Variants in TRPM8 observed in about 807,000 individuals in gnomAD.
The protein encoded by TRPM8 is transient receptor potential cation channel subfamily M member 8.
TRPM8 carries 110 observed loss-of-function variants against 133.7 expected under a neutral mutation model. The ratio of observed to expected loss-of-function variants is 0.82; its 90% confidence interval spans 0.70 to 0.96. TRPM8 has a LOEUF of 0.96. Among genes scored for constraint, TRPM8 ranks in the 40% least tolerant of loss-of-function variants. The pLI is 0.00. For missense variants in TRPM8, 1,291 were observed against 1,379.5 expected, an observed-to-expected ratio of 0.94 and a Z score of 1.02; for synonymous variants, 535 against 532.3, an observed-to-expected ratio of 1.01 and a Z score of -0.07.
At chr2:233,994,207 G>A (rs757934893) in intron 21 of TRPM8, among the ~76,000 whole-genome samples, 4 of 152,168 alleles carry the variant, frequency 2.6e-5, no homozygotes, top group African/African-American at 9.7e-5. Flanking sequence ...CACGTGTCTC[G>A]TTGCAGCCGC....
At chr2:233,947,716 C>A in intron 8 of TRPM8, 10 of 724,980 alleles carry the variant, frequency 1.4e-5, no homozygotes, top group Non-Finnish European at 2.0e-5. Flanking sequence ...GGACTCATTA[C>A]TGAGTTCATC....
chr2:233,985,580 G>A, intron 20 of TRPM8, 108 bp from the exon 21 acceptor site: 2 of 1,081,508 alleles, frequency 1.8e-6, no homozygotes, highest in Middle Eastern at 2.4e-4. Flanking sequence ...TTAGACGAAG[G>A]CCTAAGACAT....
intron 6 of TRPM8, among the ~76,000 whole-genome samples, chr2:233,944,059 C>T (rs148238756): frequency 6.6e-6 from 1 of 151,916 alleles, no homozygotes; most frequent in African/African-American, 2.4e-5. Context: ...GTTGGAGTAA[C>T]CATTCCTTTT....
chr2:233,948,139 A>C (rs1404622149), intron 8 of TRPM8, among the ~76,000 whole-genome samples: 1 of 152,226 alleles, frequency 6.6e-6, no homozygotes, highest in Non-Finnish European at 1.5e-5. Flanking sequence ...CCTGGAGCTA[A>C]AAGTAAGTGC....
At chr2:234,013,892 TG>T (rs1692897973) in intron 24 of TRPM8, 1 of 152,212 alleles carries the variant, frequency 6.6e-6, no homozygotes, top group Non-Finnish European at 1.5e-5. Flanking sequence ...AGGTTACTAC[TG>T]GAATTAAGCT....
At chr2:233,981,538 C>T (rs1476474485) in intron 18 of TRPM8, among the ~76,000 whole-genome samples, 3 of 151,972 alleles carry the variant, frequency 2.0e-5, no homozygotes, top group South Asian at 2.1e-4. Context: ...CAGGAACCTC[C>T]GAGAGCTCAG....
chr2:234,000,065 G>T (rs1692512128), intron 22 of TRPM8, among the ~76,000 whole-genome samples: 1 of 151,210 alleles, frequency 6.6e-6, no homozygotes, highest in Non-Finnish European at 1.5e-5. Context: ...TTTCTGAGCA[G>T]CATCTGTGAT....
chr2:233,996,168 G>T (rs1229663812), intron 21 of TRPM8, among the ~76,000 whole-genome samples, 158 bp from the exon 22 acceptor site: 3 of 150,578 alleles, frequency 2.0e-5, no homozygotes, highest in African/African-American at 7.3e-5. Flanking sequence ...TTCACTTCCT[G>T]CTGAGTTATT....
chr2:233,919,967 G>A (rs1691375461), intron 1 of TRPM8, among the ~76,000 whole-genome samples: 1 of 152,168 alleles, frequency 6.6e-6, no homozygotes, highest in Non-Finnish European at 1.5e-5. Flanking sequence ...TAAGGACAAG[G>A]GGGTCCTTGG....
intron 17 of TRPM8, among the ~76,000 whole-genome samples, chr2:233,977,601 G>A (rs1205702029): frequency 6.6e-6 from 1 of 152,178 alleles, no homozygotes; most frequent in Non-Finnish European, 1.5e-5. Flanking sequence ...AGAGCAAATG[G>A]TTGTTGGTGA....
chr2:233,987,028 A>G (rs1215261557), intron 21 of TRPM8, among the ~76,000 whole-genome samples: 2 of 152,202 alleles, frequency 1.3e-5, no homozygotes, highest in Admixed American at 6.5e-5. Context: ...CATTCTTAGG[A>G]AAGTACTTCA....
rs189874339 is a variant in TRPM8, at chr2:233,931,109, G to A, written c.191+368G>A. The stretch of plus-strand genomic sequence containing the variant: ...ATATGTCCATCTTACTGGCTCCTCC[G>A]TCAGGCTTTTCTTCCCTGCTGTTGA... On this transcript the variant is annotated intron_variant, in intron 3 of 25. Coordinates refer to ENST00000324695, the MANE Select transcript of TRPM8 (RefSeq NM_024080.5). 1.1e-4 allele frequency among the ~76,000 whole-genome samples: 17 copies of A among 152,172 alleles called. No homozygotes were observed. In the East Asian group the frequency reaches 2.1e-3, roughly 19 times the overall value.
At position 233,959,273 on chromosome 2, in the gene TRPM8, G is replaced by A. The variant is rs182750969; in HGVS notation, c.1363-1503G>A. On this transcript the variant is annotated intron_variant, in intron 11 of 25. Coordinates refer to ENST00000324695, the MANE Select transcript of TRPM8 (RefSeq NM_024080.5). ...ACTCCTGACCTCAGGTGATCCACCC[G>A]CTTCAGCCTCCCAAAGTGCTGGGAT... Among the ~76,000 whole-genome samples the A allele has an allele frequency of 3.0e-3, 446 of 150,602 alleles. 1 individual carries two copies. The highest frequency in any genetic ancestry group is 0.01 in the African/African-American group (416 of 40,722).
chr2:233,972,537 G>A (rs186354138), intron 17 of TRPM8, among the ~76,000 whole-genome samples: 1 of 152,354 alleles, frequency 6.6e-6, no homozygotes, highest in East Asian at 1.9e-4. Context: ...TCGTGGAGGA[G>A]GCTCGGGCAG....
intron 21 of TRPM8, among the ~76,000 whole-genome samples, chr2:233,992,539 T>A (rs944467486): frequency 3.3e-5 from 5 of 152,200 alleles, no homozygotes; most frequent in African/African-American, 1.2e-4. Context: ...CCACTCTCAG[T>A]GAGTTTCTGA....
chr2:233,999,074 A>T (rs11684966), intron 22 of TRPM8, among the ~76,000 whole-genome samples: 508 of 152,292 alleles, frequency 3.3e-3, no homozygotes, highest in South Asian at 8.9e-3. Flanking sequence ...ATATATAATT[A>T]TGTAACAAGT....
intron 17 of TRPM8, among the ~76,000 whole-genome samples, chr2:233,975,713 T>G (rs910423465): frequency 6.6e-6 from 1 of 152,206 alleles, no homozygotes; most frequent in Admixed American, 6.5e-5. Context: ...AAATCCCGTC[T>G]CTACTAAAAA....
rs28901656 is a variant in TRPM8 at position 233,954,255 on chromosome 2, A to G, written c.1243+236A>G. Among the ~76,000 whole-genome samples the G allele has an allele frequency of 8.4e-3, 1,281 of 152,346 alleles. 23 individuals carry two copies. Among genetic ancestry groups the G allele is most frequent in the African/African-American group, 0.029 (1,190 of 41,574 alleles). Reference sequence around the variant, plus strand: ...GTCATTAAAATACTGGTCAAACAAAATCGCAGTAGTCTCCAAAGAGCTATT... The same window carrying G: ...GTCATTAAAATACTGGTCAAACAAAGTCGCAGTAGTCTCCAAAGAGCTATT... On this transcript the variant is annotated intron_variant, in intron 10 of 25. Coordinates refer to ENST00000324695, the MANE Select transcript of TRPM8 (RefSeq NM_024080.5).
chr2:233,941,876 A>G (rs1690912479), intron 5 of TRPM8, among the ~76,000 whole-genome samples: 1 of 152,106 alleles, frequency 6.6e-6, no homozygotes, highest in African/African-American at 2.4e-5. Flanking sequence ...GATTCACTTG[A>G]ATCCAACCAA....
Sources: allele counts gnomAD v4.1 joint callset (sites outside exome capture counted in the v4.1 genomes callset), GRCh38; gene constraint gnomAD v4.1.1; transcripts MANE v1.5; gene names NCBI Gene and HGNC (gene_info 2026-07-23, HGNC 2026-07-21).